WDR20: variants seen among roughly 807,000 people sequenced by gnomAD.
The protein encoded by WDR20 is WD repeat-containing protein 20.
Under a neutral mutation model 38.7 loss-of-function variants are expected in WDR20, and 3 were observed. The ratio of observed to expected loss-of-function variants is 0.08; its 90% CI spans 0.04 to 0.20. WDR20 has a LOEUF of 0.20. Among genes scored for constraint, WDR20 ranks in the 10% least tolerant of loss-of-function variants. The pLI is 1.00. For missense variants in WDR20, 559 were observed against 727.7 expected (o/e 0.77, Z 2.67); for synonymous variants, 298 against 285.6 (o/e 1.04, Z -0.44).
chr14:102,168,533 G>GT (rs1566889269), intron 1 of WDR20, among the ~76,000 whole-genome samples: 1 of 151,994 alleles, frequency 6.6e-6, no homozygotes, highest in South Asian at 2.1e-4. Flanking sequence ...CCAAGTATGT[G>GT]TTTTTTCAAT....
rs2059201733 is a variant in WDR20, at chr14:102,195,190, G to A, written c.432+70G>A. 7.8e-6 allele frequency: 12 copies of A among 1,545,390 alleles called. No individual in the cohort carries two copies. The East Asian group carries it at 1.8e-4, about 23-fold the overall frequency. On this transcript the variant is annotated intron_variant, in intron 2 of 2. Coordinates refer to ENST00000342702, the MANE Select transcript of WDR20 (RefSeq NM_144574.4). ...TGATACATTCTTACCGAGGGTAGTC[G>A]GCCTTATTTTGCACTTCAAGCTAAG... is the stretch of plus-strand genomic sequence containing the variant.
chr14:102,162,592 T>C (rs1300964182), intron 1 of WDR20, among the ~76,000 whole-genome samples: 1 of 152,108 alleles, frequency 6.6e-6, no homozygotes, highest in Admixed American at 6.5e-5. Flanking sequence ...TCTCTTTCTT[T>C]CTTTTTCTTT....
chr14:102,223,018 G>A, exon 4 of WDR20: 2 of 1,036,546 alleles, frequency 1.9e-6, no homozygotes, highest in Non-Finnish European at 2.9e-6. Context: ...CGTGTGGACG[G>A]TGACCGGCTC....
At position 102,152,251 on chromosome 14, in the gene WDR20, G is replaced by A. The variant is rs553656531; in HGVS notation, c.249+12079G>A. On this transcript the variant is annotated intron_variant, in intron 1 of 2. Coordinates refer to ENST00000342702, the MANE Select transcript of WDR20 (RefSeq NM_144574.4). ...TCTTTTTCTTCCTCTCGGATATAAAGAAATGATCTGAACATCCCTGGAAGT... is the reference window on the plus strand; with the variant it reads ...TCTTTTTCTTCCTCTCGGATATAAAAAAATGATCTGAACATCCCTGGAAGT... Among the ~76,000 whole-genome samples the A allele has an allele frequency of 3.3e-5, 5 of 152,044 alleles. No individual in the cohort carries two copies. In the South Asian group the frequency reaches 1.0e-3, roughly 32 times the overall value.
At chr14:102,166,900 A>T (rs1596150528) in intron 1 of WDR20, among the ~76,000 whole-genome samples, 1 of 151,922 alleles carries the variant, frequency 6.6e-6, no homozygotes, top group African/African-American at 2.4e-5. Context: ...CACTCATCTC[A>T]CCTGGGCACT....
intron 1 of WDR20, among the ~76,000 whole-genome samples, chr14:102,147,813 C>T (rs962902886): frequency 6.6e-6 from 1 of 152,224 alleles, no homozygotes; most frequent in Admixed American, 6.5e-5. Context: ...TCACTGCAAC[C>T]TCTGCCTCCC....
At chr14:102,182,192 A>G (rs745783145) in intron 1 of WDR20, among the ~76,000 whole-genome samples, 51 of 152,328 alleles carry the variant, frequency 3.3e-4, no homozygotes, top group Non-Finnish European at 5.3e-4. Flanking sequence ...GAGAAAAAAT[A>G]GGGAGCTAAA....
downstream of WDR20, among the ~76,000 whole-genome samples, chr14:102,211,374 C>T (rs1425895021): frequency 6.6e-6 from 1 of 152,006 alleles, no homozygotes; most frequent in Non-Finnish European, 1.5e-5. This position sits in a 1 kb window ranked among gnomAD's most constrained non-coding sequence, Gnocchi z 4.2. Flanking sequence ...GTGCTCTTAA[C>T]GCAGCCCTCC....
chr14:102,160,873 A>G (rs1212289825), intron 1 of WDR20, among the ~76,000 whole-genome samples: 1 of 143,678 alleles, frequency 7.0e-6, no homozygotes, highest in Non-Finnish European at 1.5e-5. Context: ...GCGTGAACCC[A>G]GCGAGTGGAG....
chr14:102,186,610 A>C (rs781326294), intron 1 of WDR20, among the ~76,000 whole-genome samples: 1 of 151,998 alleles, frequency 6.6e-6, no homozygotes, highest in African/African-American at 2.4e-5. Flanking sequence ...ACTGTGGACT[A>C]ATCAATCCCT....
chr14:102,216,167 T>G (rs1428226931), downstream of WDR20, among the ~76,000 whole-genome samples: 1 of 152,178 alleles, frequency 6.6e-6, no homozygotes, highest in East Asian at 1.9e-4. Context: ...GAGCCTCCAG[T>G]GCTGAACTAT....
Position 102,222,783 on chromosome 14 carries a change from G to T in WDR20, c.1693-47G>T. The T allele has an allele frequency of 6.2e-7, 1 of 1,611,572 alleles. No individual in the cohort carries two copies. The highest frequency in any genetic ancestry group is 8.5e-7 in the Non-Finnish European group (1 of 1,177,962). ...GCGGAGGGCGCGCATGGTGGCTGTT[G>T]CCCGTCCGGTGTTTTGCTGGATTAA... On this transcript the variant is annotated intron_variant, in intron 3 of 3. Transcript: ENST00000335263. The surrounding 1 kb of genome is among the most constrained non-coding windows in gnomAD (Gnocchi z 4.4).
intron 1 of WDR20, among the ~76,000 whole-genome samples, chr14:102,166,369 C>T (rs975702126): frequency 1.3e-5 from 2 of 152,204 alleles, no homozygotes; most frequent in South Asian, 4.1e-4. Flanking sequence ...TTCTTTGTAA[C>T]CTAGTTAAAC....
chr14:102,223,164 CAT>C, exon 4 of WDR20: 1 of 236,108 alleles, frequency 4.2e-6, no homozygotes, highest in Non-Finnish European at 8.2e-6. Flanking sequence ...AATTAAATTT[CAT>C]ATATATATAA....
intron 1 of WDR20, among the ~76,000 whole-genome samples, chr14:102,147,235 A>T (rs138361925): frequency 0.015 from 2,289 of 152,292 alleles, 65 homozygotes; most frequent in African/African-American, 0.052. Flanking sequence ...TCTCTACTAA[A>T]AATACAAAAA....
downstream of WDR20, among the ~76,000 whole-genome samples, chr14:102,216,445 C>G (rs1271048514): frequency 6.6e-6 from 1 of 152,192 alleles, no homozygotes; most frequent in African/African-American, 2.4e-5. Flanking sequence ...GCACACACCA[C>G]CAAACTCAGC....
At chr14:102,205,330 GAAA>G (rs2061336476) in intron 2 of WDR20, among the ~76,000 whole-genome samples, 1 of 152,000 alleles carries the variant, frequency 6.6e-6, no homozygotes, top group African/African-American at 2.4e-5. Flanking sequence ...CCTTTGGTAT[GAAA>G]AAGAAGAGTG....
rs564450507 is a variant in WDR20 at position 102,203,736 on chromosome 14, C to T, written c.433-4867C>T. 2.6e-5 allele frequency among the ~76,000 whole-genome samples: 4 copies of T among 152,262 alleles called. No individual in the cohort carries two copies. In the East Asian group the frequency reaches 7.7e-4, roughly 29 times the overall value. On this transcript the variant is annotated intron_variant, in intron 2 of 2. Transcript: ENST00000342702. The stretch of plus-strand genomic sequence containing the variant: ...GGGACCGGGTATTTTTCAACATCCT[C>T]ATCCAGATCAAGGCCCCATTGACAT...
Position 102,210,381 on chromosome 14 carries a change from A to T in WDR20, c.*501A>T, listed in dbSNP as rs1330741816. The T allele has an allele frequency of 1.0e-6, 1 of 985,646 alleles. No homozygotes were observed. The highest frequency in any genetic ancestry group is 1.2e-6 in the Non-Finnish European group (1 of 830,082). The allele number at this position is 985,646 out of a possible 1,614,324, so 61.1% of individuals were successfully genotyped here. On this transcript the variant is annotated 3_prime_UTR_variant, in exon 3 of 3. Transcript: ENST00000342702. ...TTAGGAATCTATGAAATTTAACTTTAGGAACAAAACGTTTAGCAGGGTTGA... is the reference window on the plus strand; with the variant it reads ...TTAGGAATCTATGAAATTTAACTTTTGGAACAAAACGTTTAGCAGGGTTGA...
Sources: allele counts gnomAD v4.1 joint callset (sites outside exome capture counted in the v4.1 genomes callset), GRCh38; gene constraint gnomAD v4.1.1; non-coding constraint Gnocchi (gnomAD v3.1); transcripts MANE v1.5; gene names NCBI Gene and HGNC (gene_info 2026-07-23, HGNC 2026-07-21).